Variants in DEFA3 observed in about 807,000 individuals in gnomAD.
The protein encoded by DEFA3 is neutrophil defensin 3.
For missense variants in DEFA3, 8 were observed against 128.1 expected (o/e 0.06, Z 4.53); for synonymous variants, 3 against 47.2 (o/e 0.06, Z 3.84).
At chr8:7,016,272 A>G (rs368445917) in intron 2 of DEFA3, among the ~76,000 whole-genome samples, 173 bp from the exon 3 acceptor site, 2,184 of 136,932 alleles carry the variant, frequency 0.016, no homozygotes, top group Middle Eastern at 0.034. Flanking sequence ...GTCACACAGA[A>G]TTTGAGACTC....
intron 1 of DEFA3, among the ~76,000 whole-genome samples, chr8:7,017,831 A>T (rs201522256): frequency 0.01 from 1,434 of 140,356 alleles, no homozygotes; most frequent in African/African-American, 0.044. Flanking sequence ...AATGAGAGAA[A>T]ATATTTGCAA....
chr8:7,016,500 A>G (rs1810978074), intron 2 of DEFA3, among the ~76,000 whole-genome samples, 176 bp downstream of exon 2: 1 of 148,120 alleles, frequency 6.8e-6, no homozygotes, highest in South Asian at 2.1e-4. Flanking sequence ...GTCTTTGGAG[A>G]AATAAAGTTT....
At chr8:7,017,125 C>T (rs1378837854) in intron 1 of DEFA3, among the ~76,000 whole-genome samples, 2 of 123,134 alleles carry the variant, frequency 1.6e-5, no homozygotes, top group East Asian at 2.0e-4. Flanking sequence ...CTATGTTACT[C>T]GTGGGTTCAC....
intron 2 of DEFA3, among the ~76,000 whole-genome samples, chr8:7,016,459 A>C (rs1810975327): frequency 1.4e-5 from 2 of 146,390 alleles, no homozygotes; most frequent in African/African-American, 5.2e-5. Context: ...TCTTAAACTT[A>C]GTGAATTTCA....
At chr8:7,016,340 C>T (rs1234420482) in intron 2 of DEFA3, among the ~76,000 whole-genome samples, 9 of 151,486 alleles carry the variant, frequency 5.9e-5, no homozygotes, top group Middle Eastern at 3.4e-3. Context: ...CCTGAACATA[C>T]CCTCAGGCTT....
chr8:7,016,262 G>C (rs1810964934), intron 2 of DEFA3, among the ~76,000 whole-genome samples, 163 bp from the exon 3 acceptor site: 1 of 152,248 alleles, frequency 6.6e-6, no homozygotes, highest in African/African-American at 2.4e-5. Context: ...AGCAGTGCTT[G>C]TCACACAGAA....
intron 1 of DEFA3, among the ~76,000 whole-genome samples, chr8:7,017,957 C>G (rs200676993): frequency 0.079 from 11,404 of 145,244 alleles, 10 homozygotes; most frequent in East Asian, 0.13. Context: ...AGGTTTCTCT[C>G]AAAAGAATGT....
chr8:7,016,319 T>TCA (rs1810968610), intron 2 of DEFA3, among the ~76,000 whole-genome samples: 1 of 151,860 alleles, frequency 6.6e-6, no homozygotes, highest in African/African-American at 2.4e-5. Flanking sequence ...TCCTGCCCCA[T>TCA]CACACACACA....
Position 7,018,241 on chromosome 8 carries a change from G to A in DEFA3, c.-32C>T, listed in dbSNP as rs954250424. ...ACTTACAGATCCTCTAGCTAGGCAG[G>A]GTGACCAGAGAGGGCAGACAGCAGT... On this transcript the variant is annotated 5_prime_UTR_variant, in exon 1 of 3. Transcript: ENST00000327857. The A allele has an allele frequency of 2.0e-5, 3 of 149,652 alleles. No homozygotes were observed. The highest frequency in any genetic ancestry group is 7.4e-5 in the African/African-American group (3 of 40,306). 9.3% of individuals were successfully genotyped at this position (149,652 alleles called of 1,614,324 possible). A position where few individuals can be genotyped will look rare whatever the true frequency, so the allele number is the denominator to read the frequency against.
At chr8:7,017,850 T>C (rs1332386364) in intron 1 of DEFA3, among the ~76,000 whole-genome samples, 1 of 152,172 alleles carries the variant, frequency 6.6e-6, no homozygotes, top group African/African-American at 2.4e-5. Flanking sequence ...AAAACCTACA[T>C]GGCAGAAGGG....
At chr8:7,016,347 G>T (rs1489034559) in intron 2 of DEFA3, among the ~76,000 whole-genome samples, 5 of 150,044 alleles carry the variant, frequency 3.3e-5, no homozygotes, top group African/African-American at 1.0e-4. Context: ...ATACCCTCAG[G>T]CTTGGCTGCA....
intron 1 of DEFA3, among the ~76,000 whole-genome samples, chr8:7,018,017 T>G (rs1290344775): frequency 2.5e-4 from 28 of 113,646 alleles, no homozygotes; most frequent in African/African-American, 8.2e-4. Context: ...AGGACATGTG[T>G]GTTTAGAAGG....
intron 1 of DEFA3, among the ~76,000 whole-genome samples, chr8:7,017,995 G>T (rs1219141591): frequency 6.0e-5 from 9 of 149,566 alleles, no homozygotes; most frequent in Non-Finnish European, 8.9e-5. Flanking sequence ...GTCTCTACTG[G>T]ACATGTCAAC....
At chr8:7,017,283 G>A (rs1162781246) in intron 1 of DEFA3, among the ~76,000 whole-genome samples, 3 of 109,688 alleles carry the variant, frequency 2.7e-5, no homozygotes, top group Non-Finnish European at 6.1e-5. Flanking sequence ...TGTCCTATAT[G>A]AGTTCCAATG....
At chr8:7,018,010 A>C (rs1259964777) in intron 1 of DEFA3, among the ~76,000 whole-genome samples, 6 of 148,740 alleles carry the variant, frequency 4.0e-5, no homozygotes, top group African/African-American at 1.5e-4. Context: ...GTCAACCAGG[A>C]CATGTGTGTT....
Position 7,016,099 on chromosome 8 carries a change from C to A in DEFA3, c.176G>T (p.Gly59Val). The change falls in exon 3 of 3, where the codon GGC becomes GTC. Residue 59 changes from glycine to valine, a missense_variant and splice_region_variant. Coordinates refer to ENST00000327857, the MANE Select transcript of DEFA3 (RefSeq NM_005217.4). ...ATAGCAGTCCATGTTTTTCCTTGAG[C>A]CTGGGACAGGGAGAGCATGAGAAAT... is the stretch of plus-strand genomic sequence containing the variant. ...WDESLAPKHPGSRKNMDCYCR... is the reference protein window; with the variant it reads ...WDESLAPKHPVSRKNMDCYCR... The A allele has an allele frequency of 1.4e-6, 2 of 1,436,452 alleles. No individual in the cohort carries two copies. The highest frequency in any genetic ancestry group is 1.7e-5 in the African/African-American group (1 of 59,966). 89.0% of individuals were successfully genotyped at this position (1,436,452 alleles called of 1,614,324 possible). A position where few individuals can be genotyped will look rare whatever the true frequency, so the allele number is the denominator to read the frequency against.
chr8:7,015,898 G>A lies in DEFA3; in HGVS notation c.*92C>T, dbSNP rs1293161873. ...GTAACAAGGCATTTATTTGAGATGA[G>A]GAAAGGAAATTGAGCAGAAGGTACA... On this transcript the variant is annotated 3_prime_UTR_variant, in exon 3 of 3. Coordinates refer to ENST00000327857, the MANE Select transcript of DEFA3 (RefSeq NM_005217.4). The A allele has an allele frequency of 8.7e-6, 10 of 1,152,228 alleles. No individual in the cohort carries two copies. Among genetic ancestry groups the A allele is most frequent in the Admixed American group, 5.7e-5 (3 of 52,522 alleles). 71.4% of individuals were successfully genotyped at this position (1,152,228 alleles called of 1,614,324 possible). A position where few individuals can be genotyped will look rare whatever the true frequency, so the allele number is the denominator to read the frequency against.
intron 1 of DEFA3, among the ~76,000 whole-genome samples, chr8:7,017,965 T>C: frequency 6.6e-6 from 1 of 152,060 alleles, no homozygotes; most frequent in Non-Finnish European, 1.5e-5. Flanking sequence ...CTCAAAAGAA[T>C]GTTCCAAAGA....
intron 2 of DEFA3, among the ~76,000 whole-genome samples, chr8:7,016,468 C>T (rs1035692757): frequency 0.011 from 1,520 of 141,842 alleles, 1 homozygote; most frequent in Admixed American, 0.017. Context: ...TAGTGAATTT[C>T]ACAGATGTTT....
Sources: gnomAD v4.1 joint callset for allele counts (sites outside exome capture counted in the v4.1 genomes callset) on GRCh38, gnomAD v4.1.1 for gene constraint, MANE v1.5 for transcripts, NCBI Gene and HGNC (gene_info 2026-07-23, HGNC 2026-07-21) for gene names.